Variants in SCEL observed in about 807,000 individuals in gnomAD.
The protein encoded by SCEL is sciellin.
Under a neutral mutation model 117.6 loss-of-function variants are expected in SCEL, and 113 were observed. That is an observed-to-expected ratio of 0.96 (90% CI 0.83 to 1.12). The LOEUF (loss-of-function observed/expected upper bound fraction) is 1.12, where lower values mean the gene tolerates loss of function less well. Among genes scored for constraint, SCEL ranks in the 50% most tolerant of loss-of-function variants. The pLI, the probability that SCEL is intolerant of heterozygous loss-of-function variation, is 0.00. For synonymous variants in SCEL, 270 were observed against 256.2 expected (o/e 1.05, Z -0.51); for missense variants, 785 against 810.8 (o/e 0.97, Z 0.39).
chr13:77,595,742 C>T (rs907832447), intron 12 of SCEL, among the ~76,000 whole-genome samples: 5 of 151,746 alleles, frequency 3.3e-5, no homozygotes, highest in African/African-American at 1.2e-4. Flanking sequence ...GTTTGTCACA[C>T]ACAAGGATAG....
At chr13:77,599,445 C>A in intron 14 of SCEL, 57 bp downstream of exon 14, 3 of 1,413,408 alleles carry the variant, frequency 2.1e-6, no homozygotes, top group African/African-American at 1.4e-5. Context: ...TCGTCTTATT[C>A]CCTCAGACAT....
chr13:77,543,969 A>G (rs1240655574), intron 1 of SCEL, among the ~76,000 whole-genome samples: 3 of 152,196 alleles, frequency 2.0e-5, no homozygotes, highest in African/African-American at 4.8e-5. Flanking sequence ...AAATCTGCCT[A>G]CATTTCGACC....
At chr13:77,612,845 A>T (rs1414930719) in intron 22 of SCEL, 46 bp from the exon 23 acceptor site, 1 of 1,110,198 alleles carries the variant, frequency 9.0e-7, no homozygotes, top group African/African-American at 1.6e-5. Flanking sequence ...TATACAAATT[A>T]TTGGATTTTA....
At chr13:77,629,952 A>T (rs1717413348) in intron 28 of SCEL, among the ~76,000 whole-genome samples, 1 of 152,214 alleles carries the variant, frequency 6.6e-6, no homozygotes, top group African/African-American at 2.4e-5. Context: ...CCTACAGTCA[A>T]GCAAGGGATG....
At chr13:77,624,583 T>C (rs1369836587) in intron 27 of SCEL, among the ~76,000 whole-genome samples, 2 of 151,886 alleles carry the variant, frequency 1.3e-5, no homozygotes, top group African/African-American at 4.8e-5. Flanking sequence ...TTTGGGGGAG[T>C]ACATAGTTCA....
rs374189450 is a variant in SCEL at position 77,557,516 on chromosome 13, C to T, written c.161+803C>T. Among the ~76,000 whole-genome samples the T allele has an allele frequency of 3.3e-5, 5 of 152,304 alleles. No homozygotes were observed. The East Asian group carries it at 5.8e-4, about 18-fold the overall frequency. ...ACACAACGTAGGTGTTATATCTCCT[C>T]ATTTTACAAAAGAGGGATCTGAGCT... On this transcript the variant is annotated intron_variant, in intron 3 of 32. Coordinates refer to ENST00000349847, the MANE Select transcript of SCEL (RefSeq NM_144777.3).
chr13:77,626,844 T>G (rs1459913392), intron 27 of SCEL, among the ~76,000 whole-genome samples: 1 of 152,092 alleles, frequency 6.6e-6, no homozygotes, highest in Non-Finnish European at 1.5e-5. Context: ...TTTAGAATGG[T>G]TGACTAACTT....
intron 1 of SCEL, among the ~76,000 whole-genome samples, chr13:77,536,423 G>T (rs2083425576): frequency 6.6e-6 from 1 of 152,104 alleles, no homozygotes; most frequent in East Asian, 1.9e-4. Flanking sequence ...TAAAGGCAGG[G>T]TGTGGGAGCA....
At chr13:77,631,363 A>T (rs2090012368) in intron 28 of SCEL, among the ~76,000 whole-genome samples, 1 of 152,230 alleles carries the variant, frequency 6.6e-6, no homozygotes, top group African/African-American at 2.4e-5. Context: ...AGACTTCCAG[A>T]CTATCACAGA....
chr13:77,613,019 A>G, intron 23 of SCEL, 78 bp downstream of exon 23: 1 of 841,344 alleles, frequency 1.2e-6, no homozygotes, highest in East Asian at 2.8e-5. Context: ...TTATTTAACT[A>G]AAGACATTTT....
At chr13:77,607,885 A>T (rs2088336015) in intron 19 of SCEL, among the ~76,000 whole-genome samples, 171 bp from the exon 20 acceptor site, 1 of 152,230 alleles carries the variant, frequency 6.6e-6, no homozygotes, top group Non-Finnish European at 1.5e-5. Flanking sequence ...ACAAATCCCT[A>T]CATATTTCTG....
At chr13:77,571,992 G>T (rs2085660881) in intron 8 of SCEL, 132 bp from the exon 9 acceptor site, 2 of 717,002 alleles carry the variant, frequency 2.8e-6, no homozygotes, top group Non-Finnish European at 2.5e-6. Flanking sequence ...CTTCATTTAT[G>T]AAATAGTGTT....
At position 77,603,132 on chromosome 13, in the gene SCEL, C is replaced by A; in HGVS notation, c.1094C>A (p.Thr365Asn). 6.5e-7 allele frequency: 1 copy of A among 1,531,240 alleles called. No homozygotes were observed. Among genetic ancestry groups the A allele is most frequent in the East Asian group, 2.3e-5 (1 of 44,000 alleles). The allele number at this position is 1,531,240 out of a possible 1,614,324, so 94.9% of individuals were successfully genotyped here. A position where few individuals can be genotyped will look rare whatever the true frequency, so the allele number is the denominator to read the frequency against. ...AATCCCAAAGGACATGAAAATACCA[C>A]TGGGTAAAAATAATTAATGTCTTTA... ...EVNPKGHENT[T>N]GKKDLDGLIK... is the part of the protein sequence containing the mutation. The change falls in exon 18 of 33, where the codon ACT becomes AAT. Residue 365 changes from threonine to asparagine, a missense_variant. Coordinates refer to ENST00000349847, the MANE Select transcript of SCEL (RefSeq NM_144777.3).
At chr13:77,618,118 C>A in intron 27 of SCEL, 58 bp downstream of exon 27, 1 of 1,349,166 alleles carries the variant, frequency 7.4e-7, no homozygotes, top group Non-Finnish European at 1.1e-6. Flanking sequence ...GAACTTCTCC[C>A]TCCCTCCTTG....
chr13:77,592,151 C>CT (rs2086909928), intron 11 of SCEL, among the ~76,000 whole-genome samples: 1 of 151,994 alleles, frequency 6.6e-6, no homozygotes, highest in African/African-American at 2.4e-5. Flanking sequence ...AAGTTTAAAA[C>CT]TTATATACTT....
intron 26 of SCEL, 32 bp downstream of exon 26, chr13:77,617,894 A>C (rs777783381): frequency 6.3e-7 from 1 of 1,587,196 alleles, no homozygotes; most frequent in African/African-American, 1.3e-5. Context: ...TCATGTTTTT[A>C]TTTGTCTGTT....
Position 77,617,860 on chromosome 13 carries a change from G to A in SCEL, c.1569G>A (p.Gln523=). Residue 523 remains glutamine, a splice_region_variant and synonymous_variant, in exon 26 of 33, where the codon CAG becomes CAA. Transcript: ENST00000349847. Reference sequence around the variant, plus strand: ...ATCCTGCAGTAATCAGAAACAATCAGAGGTATATATAGAAGCAGTCAATTC... The same window carrying A: ...ATCCTGCAGTAATCAGAAACAATCAAAGGTATATATAGAAGCAGTCAATTC... ...KVNPAVIRNN[Q]SQDLDNLIKV... The A allele has an allele frequency of 6.2e-7, 1 of 1,608,798 alleles. No homozygotes were observed. Among genetic ancestry groups the A allele is most frequent in the African/African-American group, 1.3e-5 (1 of 74,920 alleles).
chr13:77,536,323 G>C (rs968303311), intron 1 of SCEL, among the ~76,000 whole-genome samples: 1 of 152,140 alleles, frequency 6.6e-6, no homozygotes, highest in Non-Finnish European at 1.5e-5. Context: ...CTATGAGAGA[G>C]AGAGAGGTTT....
At chr13:77,564,011 T>C (rs570366490) in intron 5 of SCEL, 112 bp downstream of exon 5, 1 of 687,228 alleles carries the variant, frequency 1.5e-6, no homozygotes, top group South Asian at 3.1e-5. Context: ...ATCACTGATA[T>C]TTTATTCCCA....
Sources: allele counts gnomAD v4.1 joint callset (sites outside exome capture counted in the v4.1 genomes callset), GRCh38; gene constraint gnomAD v4.1.1; transcripts MANE v1.5; gene names NCBI Gene and HGNC (gene_info 2026-07-23, HGNC 2026-07-21).